The following SHROOM3 variants were observed in gnomAD, a reference collection of about 807,000 sequenced individuals.
SHROOM3 encodes shroom family member 3.
In SHROOM3, 47 loss-of-function variants were observed where a neutral mutation model predicts 138.6. The observed-to-expected ratio is 0.34, with a 90% CI of 0.27 to 0.43. The LOEUF (loss-of-function observed/expected upper bound fraction) is 0.43. Ranked by LOEUF, SHROOM3 falls within the 20% of genes least tolerant of loss-of-function variation. The pLI is 1.00. For missense variants in SHROOM3, 2,491 were observed against 2,596.5 expected, an observed-to-expected ratio of 0.96 and a Z score of 0.88; for synonymous variants, 1,062 against 1,063.3, an observed-to-expected ratio of 1.00 and a Z score of 0.02.
At chr4:76,621,798 G>A (rs534195550) in intron 2 of SHROOM3, among the ~76,000 whole-genome samples, 39 of 149,346 alleles carry the variant, frequency 2.6e-4, no homozygotes, top group Non-Finnish European at 4.2e-4. Flanking sequence ...TAGTTCCAGC[G>A]TTTTCTTTAG....
intron 1 of SHROOM3, among the ~76,000 whole-genome samples, chr4:76,445,717 G>A (rs1481420271): frequency 6.6e-6 from 1 of 152,010 alleles, no homozygotes. Context: ...AGGGTGTGAG[G>A]GTAGATCGCA....
intron 2 of SHROOM3, among the ~76,000 whole-genome samples, chr4:76,681,594 G>GGGGTGTGTGTGTGTGTGTGTGTGT (rs1553936165): frequency 2.6e-4 from 21 of 81,064 alleles, no homozygotes; most frequent in African/African-American, 7.4e-4. Context: ...CAGAGTCTAG[G>GGGGTGTGTGTGTGTGTGTGTGTGT]GTGTGTGTGT....
rs1721214390 is a variant in SHROOM3 at position 76,740,547 on chromosome 4, G to A, written c.2374G>A (p.Glu792Lys). 4 of 1,614,040 alleles carry A rather than the reference G, an allele frequency of 2.5e-6. No individual in the cohort carries two copies. The highest frequency in any genetic ancestry group is 2.5e-6 in the Non-Finnish European group (3 of 1,180,044). ...GAAGGTCTCCAAATTCGAGCAGCGA[G>A]AGCAAGGGAGCCAGAGACCGAGTGT... Reference protein sequence around the residue: ...LEKVSKFEQREQGSQRPSVGG... With the variant: ...LEKVSKFEQRKQGSQRPSVGG... Residue 792 changes from glutamate to lysine, a missense_variant, in exon 5 of 11, where the codon GAG becomes AAG. Physicochemically the swap from Glu to Lys is moderately conservative, Grantham distance 56. Around this residue, in one of 4 missense-constraint regions of SHROOM3, gnomAD observed 1,733 missense variants for 1,661.6 expected, o/e 1.04. Transcript: ENST00000296043. This position sits in a 1 kb window ranked among gnomAD's most constrained non-coding sequence, Gnocchi z 4.0.
At chr4:76,633,656 CAAAAAAAAAAAA>C (rs869138315) in intron 2 of SHROOM3, among the ~76,000 whole-genome samples, 6 of 88,760 alleles carry the variant, frequency 6.8e-5, no homozygotes, top group Non-Finnish European at 1.3e-4. Flanking sequence ...GACTCCGTCT[CAAAAAAAAAAAA>C]AAAAAAAAAA....
rs181916954 is a variant in SHROOM3, at chr4:76,438,235, C to T, written c.168+2015C>T. The stretch of plus-strand genomic sequence containing the variant: ...CTCTATGATGTCAGGGACCCAAGTT[C>T]CTTCTATTTTCTTACTTCCATCCTG... On this transcript the variant is annotated intron_variant, in intron 1 of 10. Transcript: ENST00000296043. Among the ~76,000 whole-genome samples, 659 of 152,256 alleles carry T rather than the reference C, an allele frequency of 4.3e-3. 5 individuals are homozygous for T. The highest frequency in any genetic ancestry group is 0.015 in the African/African-American group (627 of 41,550).
chr4:76,628,899 G>A (rs1255540323), intron 2 of SHROOM3: 1 of 151,914 alleles, frequency 6.6e-6, no homozygotes, highest in Non-Finnish European at 1.5e-5. Flanking sequence ...GGAATGCAGT[G>A]GTGCGATCTT....
chr4:76,469,371 G>C (rs367595984), intron 1 of SHROOM3, among the ~76,000 whole-genome samples: 2 of 152,268 alleles, frequency 1.3e-5, no homozygotes, highest in South Asian at 4.1e-4. Flanking sequence ...TAAGGGATGT[G>C]TAGTAAGCTG....
At chr4:76,523,358 GGT>G (rs1732610181) in intron 1 of SHROOM3, among the ~76,000 whole-genome samples, 1 of 152,118 alleles carries the variant, frequency 6.6e-6, no homozygotes, top group African/African-American at 2.4e-5. Flanking sequence ...TGTATTCCCA[GGT>G]ACTGAGTAGA....
chr4:76,666,362 G>A (rs1030936021), intron 2 of SHROOM3, among the ~76,000 whole-genome samples: 1 of 152,178 alleles, frequency 6.6e-6, no homozygotes, highest in African/African-American at 2.4e-5. Context: ...TCTACCTCCA[G>A]GTCTCAAATG....
chr4:76,589,696 C>T (rs1276959499), intron 2 of SHROOM3, among the ~76,000 whole-genome samples: 1 of 152,196 alleles, frequency 6.6e-6, no homozygotes, highest in Non-Finnish European at 1.5e-5. Flanking sequence ...ACATGTGTTC[C>T]ACATTGCCCA....
intron 2 of SHROOM3, 146 bp from the exon 3 acceptor site, chr4:76,710,010 C>G (rs1720182656): frequency 3.1e-6 from 3 of 976,526 alleles, no homozygotes; most frequent in Non-Finnish European, 3.2e-6. Context: ...TTGTTAGGTG[C>G]AGGCTTAGAA....
At chr4:76,535,017 G>C (rs984731654) in intron 1 of SHROOM3, among the ~76,000 whole-genome samples, 4 of 152,120 alleles carry the variant, frequency 2.6e-5, no homozygotes, top group African/African-American at 9.7e-5. Flanking sequence ...CCTTCCAAAA[G>C]ATCATCCTAT....
chr4:76,586,557 A>C, intron 2 of SHROOM3: 2 of 865,482 alleles, frequency 2.3e-6, no homozygotes, highest in Non-Finnish European at 2.8e-6. Flanking sequence ...AGGTAAACTA[A>C]AGAGAGGTAG....
intron 1 of SHROOM3, among the ~76,000 whole-genome samples, chr4:76,456,075 C>T (rs13147930): frequency 0.087 from 13,191 of 152,122 alleles, 665 homozygotes; most frequent in South Asian, 0.19. Flanking sequence ...GGTGCAATCT[C>T]GGCTCACTGC....
rs751594734 is a variant in SHROOM3 at position 76,541,623 on chromosome 4, G to GCACACACACACACACACA, written c.169-13985_169-13984insACACACACACACACACAC. ...AGAAGGCCGGGATTCACATATGTGG[G>GCACACACACACACACACA]CGCACACACACACACACACACACAC... On this transcript the variant is annotated intron_variant, in intron 1 of 10. Transcript: ENST00000296043. Among the ~76,000 whole-genome samples, 180 of 140,166 alleles carry GCACACACACACACACACA rather than the reference G, an allele frequency of 1.3e-3. 1 individual carries two copies. Among genetic ancestry groups the GCACACACACACACACACA allele is most frequent in the African/African-American group, 4.3e-3 (172 of 40,298 alleles). The allele number at this position is 140,166 out of a possible 152,430, so 92.0% of individuals were successfully genotyped here. A position where few individuals can be genotyped will look rare whatever the true frequency, so the allele number is the denominator to read the frequency against.
intron 9 of SHROOM3, among the ~76,000 whole-genome samples, chr4:76,764,452 C>T (rs980908738): frequency 6.6e-5 from 10 of 152,222 alleles, no homozygotes; most frequent in South Asian, 4.1e-4. Context: ...TTCTCAGCTG[C>T]CCATTCCCGC....
At chr4:76,723,241 A>G (rs1044450134) in intron 3 of SHROOM3, among the ~76,000 whole-genome samples, 10 of 152,080 alleles carry the variant, frequency 6.6e-5, no homozygotes, top group Admixed American at 2.6e-4. Flanking sequence ...TGTATCCAAA[A>G]TGCCTCTACA....
intron 4 of SHROOM3, among the ~76,000 whole-genome samples, chr4:76,732,036 T>C (rs1302839760): frequency 6.6e-6 from 1 of 152,144 alleles, no homozygotes; most frequent in Non-Finnish European, 1.5e-5. Flanking sequence ...GAGCACAGCC[T>C]GACCACCATC....
intron 8 of SHROOM3, 30 bp downstream of exon 8, chr4:76,756,967 C>T (rs1560617523): frequency 1.2e-6 from 2 of 1,613,338 alleles, no homozygotes; most frequent in Non-Finnish European, 1.7e-6. Context: ...CTCAGAGAGA[C>T]TTACAATCAC....
Sources: gnomAD v4.1 joint callset for allele counts (sites outside exome capture counted in the v4.1 genomes callset) on GRCh38, gnomAD v4.1.1 for gene constraint, gnomAD v4.1.1 regional missense constraint, Gnocchi (gnomAD v3.1) non-coding constraint, MANE v1.5 for transcripts, NCBI Gene and HGNC (gene_info 2026-07-23, HGNC 2026-07-21) for gene names.